The following MBNL2 variants were observed in gnomAD, a reference collection of about 807,000 sequenced individuals.
MBNL2 encodes muscleblind-like protein 2.
MBNL2 carries 17 observed loss-of-function variants against 41.9 expected under a neutral mutation model. That is an observed-to-expected ratio of 0.41 (90% CI 0.28 to 0.61). The LOEUF (loss-of-function observed/expected upper bound fraction) is 0.61, where lower values mean the gene tolerates loss of function less well. Among genes scored for constraint, MBNL2 ranks in the 20% least tolerant of loss-of-function variants. The pLI, the probability that MBNL2 is intolerant of heterozygous loss-of-function variation, is 0.35. For missense variants in MBNL2, 336 were observed against 505.6 expected, an observed-to-expected ratio of 0.66 and a Z score of 3.22; for synonymous variants, 195 against 182.9, an observed-to-expected ratio of 1.07 and a Z score of -0.53.
chr13:97,308,090 T>C (rs553768855), intron 2 of MBNL2, among the ~76,000 whole-genome samples: 11 of 152,346 alleles, frequency 7.2e-5, no homozygotes, highest in African/African-American at 2.6e-4. Context: ...CTTGTATCAC[T>C]CATTAAAATG....
intron 3 of MBNL2, among the ~76,000 whole-genome samples, chr13:97,340,274 A>G (rs551174477): frequency 6.6e-6 from 1 of 152,376 alleles, no homozygotes; most frequent in East Asian, 1.9e-4. Flanking sequence ...GCTACATCAA[A>G]AAGGAACATA....
At chr13:97,272,806 TAATC>T (rs1267655198) in intron 1 of MBNL2, among the ~76,000 whole-genome samples, 1 of 152,264 alleles carries the variant, frequency 6.6e-6, no homozygotes, top group Non-Finnish European at 1.5e-5. Context: ...TTGTATATAA[TAATC>T]CTATACAGTT....
the MBNL2 span, among the ~76,000 whole-genome samples, chr13:97,153,110 A>G: frequency 6.6e-6 from 1 of 152,214 alleles, no homozygotes; most frequent in South Asian, 2.1e-4. Context: ...TCCAAATAAA[A>G]AAGTAAAAAA....
chr13:97,320,415 C>A (rs2059405160), intron 2 of MBNL2, among the ~76,000 whole-genome samples: 1 of 151,900 alleles, frequency 6.6e-6, no homozygotes, highest in Non-Finnish European at 1.5e-5. Flanking sequence ...TGTCACCATG[C>A]CCGGCTAATT....
chr13:97,361,843 C>T (rs1489114070), intron 7 of MBNL2, among the ~76,000 whole-genome samples: 1 of 139,656 alleles, frequency 7.2e-6, no homozygotes, highest in Non-Finnish European at 1.5e-5. Flanking sequence ...GATCTTGGCT[C>T]ACTGCAACCT....
chr13:97,379,110 G>A (rs138667971), intron 8 of MBNL2, among the ~76,000 whole-genome samples: 201 of 152,280 alleles, frequency 1.3e-3, no homozygotes, highest in African/African-American at 4.6e-3. Flanking sequence ...TAAAAACTCC[G>A]AACTACTGAG....
At chr13:97,271,237 T>G (rs1269521009) in intron 1 of MBNL2, among the ~76,000 whole-genome samples, 1 of 150,008 alleles carries the variant, frequency 6.7e-6, no homozygotes, top group Non-Finnish European at 1.5e-5. Context: ...TGCCTCAGCC[T>G]CCCAAGTAGC....
chr13:97,338,122 T>C (rs2061047051), intron 3 of MBNL2, among the ~76,000 whole-genome samples: 1 of 152,218 alleles, frequency 6.6e-6, no homozygotes, highest in African/African-American at 2.4e-5. Context: ...CTTTTCCATC[T>C]TACTGGGACA....
intron 2 of MBNL2, among the ~76,000 whole-genome samples, chr13:97,333,498 A>T (rs2060593098): frequency 6.6e-6 from 1 of 152,204 alleles, no homozygotes; most frequent in African/African-American, 2.4e-5. Flanking sequence ...AACTCCTGTC[A>T]TGAGGGCAAG....
chr13:97,165,265 C>G, the MBNL2 span, among the ~76,000 whole-genome samples: 2 of 151,686 alleles, frequency 1.3e-5, no homozygotes, highest in African/African-American at 4.9e-5. Context: ...TAAAATATAG[C>G]CTGAAGGAAA....
chr13:97,207,177 C>T, the MBNL2 span, among the ~76,000 whole-genome samples: 2 of 152,154 alleles, frequency 1.3e-5, no homozygotes, highest in Non-Finnish European at 2.9e-5. Context: ...ATGATGGGCA[C>T]TAAAAACCAG....
At chr13:97,148,824 T>C in the MBNL2 span, among the ~76,000 whole-genome samples, 1 of 152,230 alleles carries the variant, frequency 6.6e-6, no homozygotes, top group Non-Finnish European at 1.5e-5. Context: ...TAATAATTAC[T>C]GGTATTCAAA....
the MBNL2 span, among the ~76,000 whole-genome samples, chr13:97,162,972 G>C: frequency 1.2e-3 from 183 of 152,190 alleles, 2 homozygotes; most frequent in African/African-American, 4.0e-3. Flanking sequence ...TGAGGTTCAG[G>C]GGAAGAGGAA....
At chr13:97,204,470 T>G in the MBNL2 span, among the ~76,000 whole-genome samples, 2 of 152,228 alleles carry the variant, frequency 1.3e-5, no homozygotes, top group East Asian at 3.8e-4. Flanking sequence ...ACATAAGCTC[T>G]TGAAGCCATT....
At chr13:97,251,526 A>G (rs2046495452) in intron 1 of MBNL2, among the ~76,000 whole-genome samples, 2 of 151,164 alleles carry the variant, frequency 1.3e-5, no homozygotes, top group East Asian at 3.8e-4. Context: ...ATGTTGCACA[A>G]AAAAGTCAGA....
chr13:97,212,969 C>G, the MBNL2 span, among the ~76,000 whole-genome samples: 2 of 152,122 alleles, frequency 1.3e-5, no homozygotes, highest in Non-Finnish European at 2.9e-5. Flanking sequence ...CAGAAAAACC[C>G]GGGCAAATCT....
chr13:97,299,541 G>T (rs1484853663), intron 2 of MBNL2, among the ~76,000 whole-genome samples: 2 of 152,118 alleles, frequency 1.3e-5, no homozygotes, highest in Non-Finnish European at 2.9e-5. Flanking sequence ...TTTGAACAGA[G>T]GCATGTACAT....
At chr13:97,144,423 C>T in the MBNL2 span, among the ~76,000 whole-genome samples, 1,245 of 118,098 alleles carry the variant, frequency 0.011, 40 homozygotes, top group African/African-American at 0.046. Flanking sequence ...CATGATACTT[C>T]TTTTTTTTTT....
At chr13:97,272,925 T>C (rs749193399) in intron 1 of MBNL2, among the ~76,000 whole-genome samples, 2 of 152,106 alleles carry the variant, frequency 1.3e-5, no homozygotes, top group Non-Finnish European at 2.9e-5. Context: ...ATGGAAATTC[T>C]CCCAGGGGGA....
Sources: gnomAD v4.1 joint callset for allele counts (sites outside exome capture counted in the v4.1 genomes callset) on GRCh38, gnomAD v4.1.1 for gene constraint, MANE v1.5 for transcripts, NCBI Gene and HGNC (gene_info 2026-07-23, HGNC 2026-07-21) for gene names.